Variants in GPHN observed in about 807,000 individuals in gnomAD.
GPHN encodes the protein gephyrin.
GPHN carries 17 observed loss-of-function variants against 95.5 expected under a neutral mutation model. The ratio of observed to expected loss-of-function variants is 0.18; its 90% CI spans 0.12 to 0.27. The LOEUF (loss-of-function observed/expected upper bound fraction) is 0.27, where lower values mean the gene tolerates loss of function less well. GPHN is among the 10% of genes least tolerant of loss of function. The pLI is 1.00. For missense variants in GPHN, 660 were observed against 978.1 expected (o/e 0.67, Z 4.34); for synonymous variants, 320 against 322.5 (o/e 0.99, Z 0.08).
At chr14:67,724,416 T>A in the GPHN span, 21 of 1,094,122 alleles carry the variant, frequency 1.9e-5, no homozygotes, top group Non-Finnish European at 2.7e-5. Flanking sequence ...TTTTAACGTA[T>A]CTTAGTGTGA....
chr14:67,400,237 C>T, the GPHN span, among the ~76,000 whole-genome samples: 1 of 152,168 alleles, frequency 6.6e-6, no homozygotes, highest in African/African-American at 2.4e-5. Context: ...GCTAATCTGA[C>T]AAGAGTTTAT....
In GPHN at chr14:67,023,989, AAAT is replaced by A. The variant is rs375397455; in HGVS notation, c.1006+328_1006+330del. Among the ~76,000 whole-genome samples, 422 of 152,222 alleles carry A rather than the reference AAAT, an allele frequency of 2.8e-3. 1 individual carries two copies. The highest frequency in any genetic ancestry group is 6.3e-3 in the African/African-American group (260 of 41,542). ...AGTTATTTGAAAACAAACTAACTGA[AAAT>A]AATAATAATAATATTGAAAATTCCT... On this transcript the variant is annotated intron_variant, in intron 10 of 22. Coordinates refer to ENST00000478722, the MANE Select transcript of GPHN (RefSeq NM_020806.5).
At chr14:67,573,523 C>T in the GPHN span, 1 of 660,588 alleles carries the variant, frequency 1.5e-6, no homozygotes, top group Admixed American at 2.6e-5. The surrounding 1 kb of genome is among the most constrained non-coding windows in gnomAD (Gnocchi z 4.8). Flanking sequence ...GAGGCAACCT[C>T]ACTGGGCCCC....
At chr14:66,541,185 C>T (rs1308684693) in intron 1 of GPHN, among the ~76,000 whole-genome samples, 1 of 152,082 alleles carries the variant, frequency 6.6e-6, no homozygotes, top group Non-Finnish European at 1.5e-5. Context: ...TGGCTTCAAG[C>T]GATCCACCCA....
the GPHN span, among the ~76,000 whole-genome samples, chr14:67,536,427 G>A: frequency 1.3e-5 from 2 of 151,846 alleles, no homozygotes; most frequent in Admixed American, 1.3e-4. Flanking sequence ...GCAAGTGGAA[G>A]TCATACAGAT....
the GPHN span, among the ~76,000 whole-genome samples, chr14:67,246,782 G>A: frequency 6.6e-6 from 1 of 150,636 alleles, no homozygotes; most frequent in Non-Finnish European, 1.5e-5. Flanking sequence ...CTCCCAAGTA[G>A]CTGGGATTAT....
chr14:66,562,600 T>A (rs1410251031), intron 1 of GPHN, among the ~76,000 whole-genome samples: 3 of 152,126 alleles, frequency 2.0e-5, no homozygotes, highest in African/African-American at 4.8e-5. Context: ...TTACGTATCC[T>A]TTTAACCAAA....
At chr14:67,014,367 G>GTGTTA (rs2073185998) in intron 9 of GPHN, among the ~76,000 whole-genome samples, 1 of 151,982 alleles carries the variant, frequency 6.6e-6, no homozygotes, top group African/African-American at 2.4e-5. Context: ...GCTAATAATG[G>GTGTTA]TAGAGCCAAA....
intron 18 of GPHN, among the ~76,000 whole-genome samples, chr14:67,155,577 A>G (rs2081537195): frequency 6.6e-6 from 1 of 152,224 alleles, no homozygotes; most frequent in South Asian, 2.1e-4. Flanking sequence ...TATTCATAAG[A>G]ATCAAATTGA....
At chr14:67,674,072 A>G in the GPHN span, among the ~76,000 whole-genome samples, 1 of 152,358 alleles carries the variant, frequency 6.6e-6, no homozygotes, top group East Asian at 1.9e-4. Context: ...CAGCTATGAA[A>G]GAAACCCACT....
At chr14:66,768,769 A>G (rs1340103477) in intron 2 of GPHN, among the ~76,000 whole-genome samples, 14 of 152,022 alleles carry the variant, frequency 9.2e-5, no homozygotes, top group Non-Finnish European at 5.9e-5. Context: ...CAGTAAAACC[A>G]TAGAAATAGG....
chr14:67,578,995 A>C, the GPHN span: 2 of 660,808 alleles, frequency 3.0e-6, no homozygotes, highest in Non-Finnish European at 5.3e-6. The surrounding 1 kb of genome is among the most constrained non-coding windows in gnomAD (Gnocchi z 5.0). Flanking sequence ...TTAATGTCCC[A>C]GACCAGAGTC....
the GPHN span, among the ~76,000 whole-genome samples, chr14:67,274,920 A>G: frequency 3.9e-3 from 595 of 151,706 alleles, 6 homozygotes; most frequent in African/African-American, 0.013. Flanking sequence ...TTGGCTCTCT[A>G]TTTGTCTGTT....
chr14:66,985,002 T>A (rs993482827), intron 9 of GPHN, among the ~76,000 whole-genome samples: 1 of 152,170 alleles, frequency 6.6e-6, no homozygotes, highest in African/African-American at 2.4e-5. Context: ...AAAAAAAAAG[T>A]TTTACTTTTC....
the GPHN span, chr14:67,412,142 C>T: frequency 8.0e-7 from 1 of 1,250,964 alleles, no homozygotes; most frequent in African/African-American, 1.6e-5. Flanking sequence ...CCCGCGCAGT[C>T]CGCGCCCACG....
the GPHN span, chr14:67,198,115 A>G: frequency 1.3e-6 from 2 of 1,587,470 alleles, no homozygotes; most frequent in Non-Finnish European, 8.6e-7. Flanking sequence ...GTATCCACTA[A>G]TTGTGTTTCC....
chr14:67,441,307 A>G, the GPHN span, among the ~76,000 whole-genome samples: 1 of 152,130 alleles, frequency 6.6e-6, no homozygotes, highest in African/African-American at 2.4e-5. Context: ...TTGGTCAGGA[A>G]TGAAGATGAT....
In GPHN at chr14:66,990,497, A is replaced by G. The variant is rs988711684; in HGVS notation, c.963+25172A>G. Among the ~76,000 whole-genome samples, 4 of 152,188 alleles carry G rather than the reference A, an allele frequency of 2.6e-5. No homozygotes were observed. The South Asian group carries it at 8.3e-4, about 31-fold the overall frequency. On this transcript the variant is annotated intron_variant, in intron 9 of 22. Transcript: ENST00000478722. ...CGCGTCTTCTACCCTTAGTTATGTC[A>G]GCATGATTACAGATTATGAGCTGGA...
At chr14:67,394,422 A>T in the GPHN span, among the ~76,000 whole-genome samples, 1 of 152,102 alleles carries the variant, frequency 6.6e-6, no homozygotes, top group South Asian at 2.1e-4. Context: ...AAAAGCCCCA[A>T]GAGTGCACAG....
Sources: gnomAD v4.1 joint callset for allele counts (sites outside exome capture counted in the v4.1 genomes callset) on GRCh38, gnomAD v4.1.1 for gene constraint, Gnocchi (gnomAD v3.1) non-coding constraint, MANE v1.5 for transcripts, NCBI Gene and HGNC (gene_info 2026-07-23, HGNC 2026-07-21) for gene names.